Variants in CDC14A observed in about 807,000 individuals in gnomAD.
CDC14A encodes dual specificity protein phosphatase CDC14A.
Under a neutral mutation model 74.4 loss-of-function variants are expected in CDC14A, and 53 were observed. The observed-to-expected ratio is 0.71, with a 90% CI of 0.57 to 0.89. CDC14A has a LOEUF of 0.89. CDC14A is among the 40% of genes least tolerant of loss of function. The pLI is 0.00. For synonymous variants in CDC14A, 247 were observed against 258.4 expected (o/e 0.96, Z 0.43); for missense variants, 646 against 713.7 (o/e 0.91, Z 1.08).
chr1:100,418,749 C>T (rs1661859845), intron 4 of CDC14A, among the ~76,000 whole-genome samples: 1 of 152,134 alleles, frequency 6.6e-6, no homozygotes, highest in South Asian at 2.1e-4. Context: ...AGACTCAGGG[C>T]CTTTTCTTGC....
chr1:100,416,259 C>T (rs1393138087), intron 4 of CDC14A, among the ~76,000 whole-genome samples: 1 of 152,020 alleles, frequency 6.6e-6, no homozygotes, highest in East Asian at 1.9e-4. Context: ...AAAACAAATC[C>T]AACTTGGGAA....
chr1:100,385,553 G>C (rs1327457637), intron 3 of CDC14A, among the ~76,000 whole-genome samples: 1 of 152,164 alleles, frequency 6.6e-6, no homozygotes, highest in Admixed American at 6.5e-5. Flanking sequence ...CATGAAACTT[G>C]TTATGGCCTC....
intron 4 of CDC14A, among the ~76,000 whole-genome samples, chr1:100,420,071 T>C (rs1446170449): frequency 4.4e-5 from 4 of 91,736 alleles, no homozygotes; most frequent in African/African-American, 7.5e-5. Context: ...CACATATATA[T>C]ATATATATAT....
chr1:100,514,750 C>T (rs1457288850), intron 15 of CDC14A, among the ~76,000 whole-genome samples: 1 of 152,106 alleles, frequency 6.6e-6, no homozygotes, highest in Non-Finnish European at 1.5e-5. Context: ...CTGTCCTTAG[C>T]ATATAGGAAG....
chr1:100,391,091 A>C (rs28361214), intron 4 of CDC14A: 6 of 438,764 alleles, frequency 1.4e-5, no homozygotes, highest in Non-Finnish European at 2.5e-5. Context: ...TAATAAAAAG[A>C]ATACCTACCA....
chr1:100,431,362 G>A (rs1663661362), intron 5 of CDC14A, among the ~76,000 whole-genome samples: 1 of 151,870 alleles, frequency 6.6e-6, no homozygotes, highest in African/African-American at 2.4e-5. Flanking sequence ...GTGAAGTAGG[G>A]TAGGTGCCAA....
chr1:100,424,909 T>C (rs1175664941), intron 5 of CDC14A, among the ~76,000 whole-genome samples: 1 of 152,118 alleles, frequency 6.6e-6, no homozygotes, highest in Non-Finnish European at 1.5e-5. Context: ...AGCTCATGGC[T>C]GTAATCCCAG....
At position 100,495,998 on chromosome 1, in the gene CDC14A, G is replaced by T. The variant is rs534864024; in HGVS notation, c.1251-4G>T. 2 of 1,613,202 alleles carry T rather than the reference G, an allele frequency of 1.2e-6. No homozygotes were observed. Among genetic ancestry groups the T allele is most frequent in the Non-Finnish European group, 1.7e-6 (2 of 1,179,308 alleles). ...ATGTGAGCATCTGTCTTTGATTTCCGCAGGTCAGATGATACAAAAGGACAT... is the reference window on the plus strand; with the variant it reads ...ATGTGAGCATCTGTCTTTGATTTCCTCAGGTCAGATGATACAAAAGGACAT... On this transcript the variant is annotated splice_region_variant and splice_polypyrimidine_tract_variant and intron_variant, in intron 12 of 15. Coordinates refer to ENST00000336454, the MANE Select transcript of CDC14A (RefSeq NM_003672.4).
intron 5 of CDC14A, among the ~76,000 whole-genome samples, chr1:100,436,323 ATTTTAGTCATTTCC>A (rs746830124): frequency 2.6e-5 from 4 of 152,194 alleles, no homozygotes; most frequent in Admixed American, 6.5e-5. Context: ...TTTCAATCTT[ATTTTAGTCATTTCC>A]TTTATCCTCA....
intron 5 of CDC14A, 110 bp downstream of exon 5, chr1:100,424,411 T>C: frequency 1.3e-6 from 1 of 742,048 alleles, no homozygotes; most frequent in Non-Finnish European, 2.4e-6. Flanking sequence ...TTATGTTATA[T>C]GGAATGAAAT....
At chr1:100,470,126 G>A (rs1474175736) in intron 10 of CDC14A, among the ~76,000 whole-genome samples, 2 of 152,028 alleles carry the variant, frequency 1.3e-5, no homozygotes, top group Non-Finnish European at 2.9e-5. Context: ...AAAAAAGATA[G>A]TGCATCATGA....
chr1:100,451,692 C>G (rs1233385753), intron 7 of CDC14A, among the ~76,000 whole-genome samples: 1 of 152,124 alleles, frequency 6.6e-6, no homozygotes, highest in African/African-American at 2.4e-5. Flanking sequence ...ACTGTCATTC[C>G]TCTTACATAC....
At chr1:100,474,126 A>G (rs1668660201) in intron 10 of CDC14A, among the ~76,000 whole-genome samples, 1 of 152,132 alleles carries the variant, frequency 6.6e-6, no homozygotes, top group Non-Finnish European at 1.5e-5. Flanking sequence ...TCTTCTTAAG[A>G]TTGTTAATAT....
rs1029177902 is a variant in CDC14A at position 100,507,500 on chromosome 1, A to G, written c.1755+8238A>G. On this transcript the variant is annotated intron_variant, in intron 15 of 15. Transcript: ENST00000336454. ...TTTTTTGTAGAGAGAGTGTCTTGCT[A>G]TGTTGCCCAGGTTGGTCTCGAATTC... Among the ~76,000 whole-genome samples the G allele has an allele frequency of 4.6e-4, 70 of 150,960 alleles. 1 individual carries two copies. The highest frequency in any genetic ancestry group is 4.0e-4 in the Admixed American group (6 of 15,150).
In CDC14A at chr1:100,424,214, T is replaced by G. The variant is rs570257429; in HGVS notation, c.310-8T>G. ...GGTGTTCTAAATGTTACTATTTATC[T>G]GTCTTAGGTAATCTATTTAAAGAAG... On this transcript the variant is annotated splice_polypyrimidine_tract_variant and splice_region_variant and intron_variant, in intron 4 of 15. Coordinates refer to ENST00000336454, the MANE Select transcript of CDC14A (RefSeq NM_003672.4). 33 of 1,599,968 alleles carry G rather than the reference T, an allele frequency of 2.1e-5. No homozygotes were observed. In the South Asian group the frequency reaches 3.6e-4, roughly 18 times the overall value.
intron 13 of CDC14A, 101 bp downstream of exon 13, chr1:100,496,150 T>G (rs948821183): frequency 2.2e-6 from 2 of 921,802 alleles, no homozygotes; most frequent in African/African-American, 3.3e-5. Flanking sequence ...GTACACAGCT[T>G]TTTGCTTTTT....
chr1:100,433,627 T>C (rs962081326), intron 5 of CDC14A, among the ~76,000 whole-genome samples: 1 of 152,222 alleles, frequency 6.6e-6, no homozygotes, highest in Non-Finnish European at 1.5e-5. Context: ...GTAGACACTG[T>C]GCTTCTGTTC....
chr1:100,492,313 T>C (rs1670785416), intron 11 of CDC14A, among the ~76,000 whole-genome samples: 4 of 152,216 alleles, frequency 2.6e-5, no homozygotes, highest in Admixed American at 2.6e-4. Flanking sequence ...ACAAAAAATA[T>C]CAGTCTCCTT....
chr1:100,415,258 C>T (rs1038049661), intron 4 of CDC14A, among the ~76,000 whole-genome samples: 9 of 152,206 alleles, frequency 5.9e-5, no homozygotes, highest in Middle Eastern at 3.4e-3. Context: ...CTATTCTAAA[C>T]GAATTGTCAA....
Sources: allele counts gnomAD v4.1 joint callset (sites outside exome capture counted in the v4.1 genomes callset), GRCh38; gene constraint gnomAD v4.1.1; transcripts MANE v1.5; gene names NCBI Gene and HGNC (gene_info 2026-07-23, HGNC 2026-07-21).